The following SFTPB variants were observed in gnomAD, a reference collection of about 807,000 sequenced individuals.
SFTPB encodes the protein surfactant protein B, also known as pulmonary surfactant-associated protein B.
Under a neutral mutation model 51.0 loss-of-function variants are expected in SFTPB, and 32 were observed. The ratio of observed to expected loss-of-function variants is 0.63; its 90% CI spans 0.47 to 0.84. The LOEUF is 0.84. SFTPB is among the 40% of genes least tolerant of loss of function. The pLI is 0.00. For synonymous variants in SFTPB, 211 were observed against 208.5 expected, an observed-to-expected ratio of 1.01 and a Z score of -0.10; for missense variants, 431 against 491.2, an observed-to-expected ratio of 0.88 and a Z score of 1.16.
chr2:85,665,585 G>T, intron 5 of SFTPB, 21 bp downstream of exon 5: 2 of 1,612,078 alleles, frequency 1.2e-6, no homozygotes, highest in Non-Finnish European at 1.7e-6. Flanking sequence ...CCACTTTACT[G>T]GCTGTGGGGG....
chr2:85,665,085 A>C (rs554182896), intron 6 of SFTPB, among the ~76,000 whole-genome samples: 13 of 152,180 alleles, frequency 8.5e-5, no homozygotes, highest in African/African-American at 3.1e-4. Context: ...TGTTGCATGA[A>C]CTGTAGGCCT....
At chr2:85,667,580 T>A in intron 2 of SFTPB, 99 bp downstream of exon 2, 1 of 1,462,102 alleles carries the variant, frequency 6.8e-7, no homozygotes. Context: ...ATCTCATCCA[T>A]CCCCTATGGG....
intron 10 of SFTPB, chr2:85,661,194 C>T (rs988580538): frequency 2.1e-4 from 51 of 240,234 alleles, no homozygotes; most frequent in African/African-American, 1.8e-3. Flanking sequence ...CAGGGCAGGG[C>T]GGGGGGTTGG....
In SFTPB at chr2:85,663,694, G is replaced by T. The variant is rs542291993; in HGVS notation, c.826C>A (p.Arg276=). ...CCAGCGCTGTCATCCATGGAGCACC[G>T]GAGGACGAGGCGGCAGACCAGCTGG... ...LPQLVCRLVL[R]CSMDDSAGPR... The change falls in exon 7 of 11, where the codon CGG becomes AGG. Residue 276 remains arginine, a synonymous_variant. Coordinates refer to ENST00000519937, the MANE Select transcript of SFTPB (RefSeq NM_000542.5). The T allele has an allele frequency of 1.9e-6, 3 of 1,612,552 alleles. No homozygotes were observed. In the African/African-American group the frequency reaches 4.0e-5, roughly 22 times the overall value.
chr2:85,664,044 G>A (rs999930647), intron 6 of SFTPB, among the ~76,000 whole-genome samples, 197 bp from the exon 7 acceptor site: 1 of 152,178 alleles, frequency 6.6e-6, no homozygotes, highest in African/African-American at 2.4e-5. Flanking sequence ...GTCACTGAGT[G>A]TAGGAGCCAG....
In SFTPB at chr2:85,667,668, G is replaced by A. The variant is rs374222178; in HGVS notation, c.195+11C>T. 48 of 1,614,072 alleles carry A rather than the reference G, an allele frequency of 3.0e-5. No individual in the cohort carries two copies. The highest frequency in any genetic ancestry group is 5.3e-5 in the African/African-American group (4 of 74,926). ...GACCCCCAGTTGCCATGCATCCTTG[G>A]TGGTACTCACGGCTCCCACATGTCC... is the stretch of plus-strand genomic sequence containing the variant. On this transcript the variant is annotated intron_variant, in intron 2 of 10. Coordinates refer to ENST00000519937, the MANE Select transcript of SFTPB (RefSeq NM_000542.5).
At chr2:85,665,206 G>T (rs1677510481) in intron 6 of SFTPB, 83 bp downstream of exon 6, 2 of 1,060,098 alleles carry the variant, frequency 1.9e-6, no homozygotes, top group African/African-American at 3.1e-5. Flanking sequence ...TGACGGGGGT[G>T]TGAGTTGGGA....
chr2:85,665,894 G>T, intron 4 of SFTPB, 100 bp from the exon 5 acceptor site: 1 of 1,154,722 alleles, frequency 8.7e-7, no homozygotes. Context: ...ATGGGAGGAA[G>T]CAGGCCTAGT....
intron 4 of SFTPB, 138 bp from the exon 5 acceptor site, chr2:85,665,932 TG>T: frequency 1.3e-6 from 1 of 770,390 alleles, no homozygotes; most frequent in Admixed American, 2.5e-5. Context: ...GAACTCTATG[TG>T]GGGGGACAAA....
In SFTPB at chr2:85,663,685, T is replaced by C; in HGVS notation, c.835A>G (p.Met279Val). The change falls in exon 7 of 11, where the codon ATG becomes GTG. Residue 279 changes from methionine (M) to valine (V), a missense_variant. Transcript: ENST00000519937. ...LVCRLVLRCS[M>V]DDSAGPRSPT... is the part of the protein sequence containing the mutation. ...TCACTTGGGCCAGCGCTGTCATCCA[T>C]GGAGCACCGGAGGACGAGGCGGCAG... 1 of 1,612,608 alleles carries C rather than the reference T, an allele frequency of 6.2e-7. No individual in the cohort carries two copies. The highest frequency in any genetic ancestry group is 2.2e-5 in the East Asian group (1 of 44,834).
Position 85,667,823 on chromosome 2 carries a change from G to C in SFTPB, c.68-17C>G, listed in dbSNP as rs571488978. On this transcript the variant is annotated splice_polypyrimidine_tract_variant and intron_variant, in intron 1 of 10. Coordinates refer to ENST00000519937, the MANE Select transcript of SFTPB (RefSeq NM_000542.5). ...TCCAGGCAGCTGTGGTTTGGGGCCA[G>C]AGCAACCTTAATCAGGATCCAGGCT... 2 of 1,614,258 alleles carry C rather than the reference G, an allele frequency of 1.2e-6. No individual in the cohort carries two copies. Among genetic ancestry groups the C allele is most frequent in the Non-Finnish European group, 1.7e-6 (2 of 1,180,050 alleles).
rs762450907 is a variant in SFTPB at position 85,666,603 on chromosome 2, C to A, written c.393+14G>T. On this transcript the variant is annotated intron_variant, in intron 4 of 10. Transcript: ENST00000519937. ...CGTGGGGAGGCAGGCAGGAGGTGAGCTTGCAGCCCTCACAGTCTGGTTCTG... is the reference window on the plus strand; with the variant it reads ...CGTGGGGAGGCAGGCAGGAGGTGAGATTGCAGCCCTCACAGTCTGGTTCTG... The A allele has an allele frequency of 1.2e-6, 2 of 1,612,604 alleles. No homozygotes were observed. The highest frequency in any genetic ancestry group is 1.1e-5 in the South Asian group (1 of 91,028).
intron 2 of SFTPB, among the ~76,000 whole-genome samples, chr2:85,667,427 CTA>C (rs1017966120): frequency 3.3e-5 from 5 of 151,182 alleles, no homozygotes; most frequent in African/African-American, 1.2e-4. Flanking sequence ...CATCTTTATT[CTA>C]TGTCATCCTA....
At chr2:85,668,070 G>A (rs1160869979) in intron 1 of SFTPB, 47 bp downstream of exon 1, 3 of 1,441,476 alleles carry the variant, frequency 2.1e-6, no homozygotes, top group Non-Finnish European at 2.9e-6. Flanking sequence ...GCAGTGCTCA[G>A]TGAGTGGTGG....
chr2:85,662,302 G>A, intron 8 of SFTPB, 193 bp from the exon 9 acceptor site: 1 of 1,442,846 alleles, frequency 6.9e-7, no homozygotes, highest in Non-Finnish European at 9.2e-7. Context: ...ACTTCCATCA[G>A]AAAAGCAGGC....
chr2:85,668,221 G>A (rs35531973), upstream of SFTPB: 4 of 1,545,764 alleles, frequency 2.6e-6, no homozygotes, highest in Non-Finnish European at 3.5e-6. Flanking sequence ...TTGGTGCATG[G>A]CCCCTTATAG....
At chr2:85,663,621 G>A (rs1277464686) in intron 7 of SFTPB, 43 bp downstream of exon 7, 14 of 1,594,824 alleles carry the variant, frequency 8.8e-6, no homozygotes, top group Admixed American at 1.8e-5. Flanking sequence ...GTAGGGGGAG[G>A]AGGAGAGCAG....
chr2:85,665,873 G>T, intron 4 of SFTPB, 79 bp from the exon 5 acceptor site: 2 of 1,377,816 alleles, frequency 1.5e-6, no homozygotes, highest in Non-Finnish European at 2.0e-6. Flanking sequence ...AAGGGCTCAG[G>T]GACCACTGGA....
chr2:85,660,526 C>T (rs931956749), intron 10 of SFTPB, among the ~76,000 whole-genome samples: 16 of 147,554 alleles, frequency 1.1e-4, no homozygotes, highest in African/African-American at 3.3e-4. Context: ...CTCGGCACAC[C>T]GCAACCTTCG....
Sources: gnomAD v4.1 joint callset for allele counts (sites outside exome capture counted in the v4.1 genomes callset) on GRCh38, gnomAD v4.1.1 for gene constraint, MANE v1.5 for transcripts, NCBI Gene and HGNC (gene_info 2026-07-23, HGNC 2026-07-21) for gene names.